IL1RAPL1: variants seen among roughly 807,000 people sequenced by gnomAD.
The protein encoded by IL1RAPL1 is interleukin 1 receptor accessory protein like 1.
In IL1RAPL1, 3 loss-of-function variants were observed where a neutral mutation model predicts 48.4. That is an observed-to-expected ratio of 0.06 (90% CI 0.03 to 0.16). The LOEUF (loss-of-function observed/expected upper bound fraction) is 0.16. Among genes scored for constraint, IL1RAPL1 ranks in the 10% least tolerant of loss-of-function variants. The pLI is 1.00. For synonymous variants in IL1RAPL1, 185 were observed against 187.7 expected, an observed-to-expected ratio of 0.99 and a Z score of 0.12; for missense variants, 349 against 530.6, an observed-to-expected ratio of 0.66 and a Z score of 3.36.
chrX:29,753,836 C>T (rs1009969329), intron 6 of IL1RAPL1, among the ~76,000 whole-genome samples: 17 of 111,803 alleles, frequency 1.5e-4, no homozygotes, highest in Non-Finnish European at 2.4e-4. Context: ...AATAATTGTG[C>T]AACTTTAAGG....
chrX:29,519,256 C>T (rs150623218), intron 5 of IL1RAPL1, among the ~76,000 whole-genome samples: 362 of 111,531 alleles, frequency 3.2e-3, no homozygotes, highest in East Asian at 0.014. Context: ...TGGAATTCAG[C>T]GAAAGGACCG....
chrX:29,372,365 G>T (rs1233955761), intron 3 of IL1RAPL1, among the ~76,000 whole-genome samples: 2 of 111,738 alleles, frequency 1.8e-5, no homozygotes, highest in Non-Finnish European at 3.8e-5. Context: ...TCATTCTGTA[G>T]GTTGCCTGTT....
intron 2 of IL1RAPL1, among the ~76,000 whole-genome samples, chrX:29,042,406 G>C (rs915132279): frequency 9.0e-6 from 1 of 111,588 alleles, no homozygotes; most frequent in African/African-American, 3.2e-5. Flanking sequence ...GAACATTAAA[G>C]ACATTTTCAG....
chrX:28,835,971 A>G (rs992419817), intron 2 of IL1RAPL1, among the ~76,000 whole-genome samples: 2 of 110,765 alleles, frequency 1.8e-5, no homozygotes, highest in Non-Finnish European at 3.8e-5. Context: ...TATTGAGATG[A>G]TATTTCCCTA....
chrX:29,130,772 G>A (rs1478495779), intron 2 of IL1RAPL1, among the ~76,000 whole-genome samples: 3 of 112,042 alleles, frequency 2.7e-5, no homozygotes, highest in Non-Finnish European at 5.6e-5. Flanking sequence ...AACCCAGTGG[G>A]TACTAGTTTC....
intron 2 of IL1RAPL1, among the ~76,000 whole-genome samples, chrX:28,790,613 T>C (rs1213623085): frequency 8.9e-6 from 1 of 112,384 alleles, no homozygotes; most frequent in East Asian, 2.8e-4. Flanking sequence ...TTGGTTATTA[T>C]ACAGCTGTTG....
intron 5 of IL1RAPL1, among the ~76,000 whole-genome samples, chrX:29,584,174 A>C (rs772107086): frequency 9.0e-6 from 1 of 110,604 alleles, no homozygotes; most frequent in East Asian, 2.9e-4. Context: ...CACTGTCCAT[A>C]CTCTGTCCAT....
At chrX:28,973,618 GT>G (rs1443623178) in intron 2 of IL1RAPL1, among the ~76,000 whole-genome samples, 1 of 111,665 alleles carries the variant, frequency 9.0e-6, no homozygotes, top group African/African-American at 3.3e-5. Flanking sequence ...TTCTTCTTTA[GT>G]TTTCTTCTAT....
chrX:29,161,377 AATC>A (rs1332989041), intron 2 of IL1RAPL1, among the ~76,000 whole-genome samples: 1 of 111,920 alleles, frequency 8.9e-6, no homozygotes, highest in African/African-American at 3.2e-5. Context: ...AACAATCTTA[AATC>A]ATCATGTTCC....
chrX:28,791,174 A>G (rs1313193678), intron 2 of IL1RAPL1, among the ~76,000 whole-genome samples: 4 of 110,934 alleles, frequency 3.6e-5, no homozygotes, highest in East Asian at 5.6e-4. Context: ...ACTCCTTTTT[A>G]ATCATAAAGT....
intron 1 of IL1RAPL1, among the ~76,000 whole-genome samples, chrX:28,649,172 C>A (rs967227339): frequency 8.9e-6 from 1 of 111,785 alleles, no homozygotes; most frequent in African/African-American, 3.2e-5. Context: ...TTCTGTTTGT[C>A]TCCCTAATTA....
chrX:29,408,364 A>G (rs776345654), intron 5 of IL1RAPL1, among the ~76,000 whole-genome samples: 1 of 111,670 alleles, frequency 9.0e-6, no homozygotes, highest in Admixed American at 9.6e-5. Flanking sequence ...TTTTAAAAAG[A>G]AAGATTTAAA....
intron 2 of IL1RAPL1, among the ~76,000 whole-genome samples, chrX:28,898,107 T>C (rs756498687): frequency 1.2e-4 from 14 of 112,067 alleles, no homozygotes; most frequent in South Asian, 3.7e-4. Flanking sequence ...TCAGGCCATC[T>C]GGATGTATAT....
intron 2 of IL1RAPL1, among the ~76,000 whole-genome samples, chrX:28,937,674 A>C (rs1924052811): frequency 9.0e-6 from 1 of 111,113 alleles, no homozygotes; most frequent in South Asian, 3.7e-4. Context: ...AGTCCCAGCC[A>C]GAGTAATCAG....
chrX:29,087,949 T>G (rs1927991905), intron 2 of IL1RAPL1, among the ~76,000 whole-genome samples: 1 of 112,109 alleles, frequency 8.9e-6, no homozygotes, highest in South Asian at 3.7e-4. Flanking sequence ...GAAGGGTCAC[T>G]TGAGCCCCAT....
chrX:29,273,655 G>T (rs1200722450), intron 2 of IL1RAPL1, among the ~76,000 whole-genome samples: 2 of 111,778 alleles, frequency 1.8e-5, no homozygotes, highest in East Asian at 5.7e-4. Context: ...ACATTTTTCA[G>T]CTGAGGAGGG....
chrX:29,475,437 A>G (rs936054781), intron 5 of IL1RAPL1, among the ~76,000 whole-genome samples: 1 of 111,858 alleles, frequency 8.9e-6, no homozygotes, highest in African/African-American at 3.3e-5. Context: ...GCACCACTCT[A>G]CTGTGACTTT....
At chrX:28,900,665 C>A (rs1923051060) in intron 2 of IL1RAPL1, among the ~76,000 whole-genome samples, 1 of 111,840 alleles carries the variant, frequency 8.9e-6, no homozygotes, top group Non-Finnish European at 1.9e-5. Flanking sequence ...TGAATTCTAG[C>A]CTCTGCACAC....
chrX:29,449,644 C>T (rs1470715068), intron 5 of IL1RAPL1, among the ~76,000 whole-genome samples: 1 of 107,659 alleles, frequency 9.3e-6, no homozygotes, highest in Non-Finnish European at 1.9e-5. Context: ...CTTTTTTCTT[C>T]CAGGAATCTC....
Sources: allele counts gnomAD v4.1 joint callset (sites outside exome capture counted in the v4.1 genomes callset), GRCh38; gene constraint gnomAD v4.1.1; transcripts MANE v1.5; gene names NCBI Gene and HGNC (gene_info 2026-07-23, HGNC 2026-07-21).